SLC35F3: variants seen among roughly 807,000 people sequenced by gnomAD.
The protein encoded by SLC35F3 is solute carrier family 35 member F3, also known as putative thiamine transporter SLC35F3.
SLC35F3 carries 25 observed loss-of-function variants against 49.9 expected under a neutral mutation model. That is an observed-to-expected ratio of 0.50 (90% CI 0.37 to 0.70). SLC35F3 has a LOEUF of 0.70. Ranked by LOEUF, SLC35F3 falls within the 30% of genes least tolerant of loss-of-function variation. The pLI is 0.00. For missense variants in SLC35F3, 525 were observed against 639.8 expected (o/e 0.82, Z 1.94); for synonymous variants, 275 against 265.4 (o/e 1.04, Z -0.35).
intron 2 of SLC35F3, among the ~76,000 whole-genome samples, chr1:233,926,140 T>C (rs957404428): frequency 2.0e-5 from 3 of 152,166 alleles, no homozygotes; most frequent in Non-Finnish European, 4.4e-5. Flanking sequence ...GGAGTATCTT[T>C]GTGGCATTCT....
intron 5 of SLC35F3, among the ~76,000 whole-genome samples, chr1:234,317,153 A>G (rs1657508099): frequency 6.6e-6 from 1 of 152,190 alleles, no homozygotes; most frequent in East Asian, 1.9e-4. Context: ...TTTTGCAGCC[A>G]CCACTGCTCG....
intron 2 of SLC35F3, among the ~76,000 whole-genome samples, chr1:234,179,446 G>A (rs975902497): frequency 2.0e-5 from 3 of 152,074 alleles, no homozygotes; most frequent in South Asian, 2.1e-4. Context: ...GTATGTATTC[G>A]TGATGTACAA....
At chr1:234,227,583 A>G (rs1386467200) in intron 2 of SLC35F3, among the ~76,000 whole-genome samples, 1 of 151,856 alleles carries the variant, frequency 6.6e-6, no homozygotes, top group Non-Finnish European at 1.5e-5. Flanking sequence ...TATTTTTAGG[A>G]GAGACGGGGT....
At position 234,231,489 on chromosome 1, in the gene SLC35F3, G is replaced by A. The variant is rs758326191; in HGVS notation, c.356G>A (p.Arg119Lys). Reference sequence around the variant, plus strand: ...CCGGCCGGGGTGGAGGCCGGCGGGAGAGCGAGTCGCCGCTGCTGGACGTGC... The same window carrying A: ...CCGGCCGGGGTGGAGGCCGGCGGGAAAGCGAGTCGCCGCTGCTGGACGTGC... ...QAPAGVEAGG[R>K]ASRRCWTCSR... is the part of the protein sequence containing the mutation. Residue 119 changes from arginine to lysine, a missense_variant, in exon 3 of 8, where the codon AGA becomes AAA. Physicochemically the swap from Arg to Lys is conservative, Grantham distance 26. Transcript: ENST00000366618. The surrounding 1 kb of genome is among the most constrained non-coding windows in gnomAD (Gnocchi z 5.4). The A allele has an allele frequency of 6.2e-6, 10 of 1,612,566 alleles. No homozygotes were observed. Among genetic ancestry groups the A allele is most frequent in the Non-Finnish European group, 8.5e-6 (10 of 1,179,338 alleles).
At chr1:234,210,180 C>T (rs952479983) in intron 2 of SLC35F3, among the ~76,000 whole-genome samples, 1 of 152,164 alleles carries the variant, frequency 6.6e-6, no homozygotes, top group Non-Finnish European at 1.5e-5. Context: ...ATGACTTGCT[C>T]CTCCTTGCCT....
At chr1:234,226,648 T>C (rs1667289893) in intron 2 of SLC35F3, among the ~76,000 whole-genome samples, 2 of 151,792 alleles carry the variant, frequency 1.3e-5, no homozygotes, top group African/African-American at 4.8e-5. Flanking sequence ...CCCGAATGAG[T>C]TGGTAGCTAA....
chr1:234,259,070 A>C (rs535251634), intron 3 of SLC35F3, among the ~76,000 whole-genome samples: 2 of 152,324 alleles, frequency 1.3e-5, no homozygotes, highest in African/African-American at 4.8e-5. Context: ...AGCAGTGGGA[A>C]TATTAATCCT....
At position 234,214,343 on chromosome 1, in the gene SLC35F3, C is replaced by A; in HGVS notation, c.284-17074C>A. On this transcript the variant is annotated intron_variant, in intron 2 of 7. Transcript: ENST00000366618. The surrounding 1 kb of genome is among the most constrained non-coding windows in gnomAD (Gnocchi z 8.0). Reference sequence around the variant, plus strand: ...GAGCAACGCGGCAACCGGAGCCCGGCGGGCAGCCGGGGAGGCCGGGACTGA... The same window carrying A: ...GAGCAACGCGGCAACCGGAGCCCGGAGGGCAGCCGGGGAGGCCGGGACTGA... 1 of 1,312,956 alleles carries A rather than the reference C, an allele frequency of 7.6e-7. No individual in the cohort carries two copies. The highest frequency in any genetic ancestry group is 3.2e-5 in the East Asian group (1 of 31,398). 81.3% of individuals were successfully genotyped at this position (1,312,956 alleles called of 1,614,324 possible). A position where few individuals can be genotyped will look rare whatever the true frequency, so the allele number is the denominator to read the frequency against.
At chr1:234,308,746 G>T (rs1004593996) in intron 3 of SLC35F3, among the ~76,000 whole-genome samples, 1 of 140,406 alleles carries the variant, frequency 7.1e-6, no homozygotes, top group African/African-American at 2.7e-5. Flanking sequence ...AAAAGGTTTA[G>T]TGACCCCCTT....
At chr1:234,272,166 G>A (rs1446882463) in intron 3 of SLC35F3, among the ~76,000 whole-genome samples, 1 of 152,096 alleles carries the variant, frequency 6.6e-6, no homozygotes, top group Non-Finnish European at 1.5e-5. Flanking sequence ...AACAGGCAGA[G>A]AATGATAAAA....
chr1:233,986,672 G>C (rs947846831), intron 2 of SLC35F3, among the ~76,000 whole-genome samples: 1 of 151,986 alleles, frequency 6.6e-6, no homozygotes, highest in East Asian at 1.9e-4. Flanking sequence ...TTTAACATTT[G>C]CTTATTTTTG....
At chr1:234,042,873 G>A (rs981862850) in intron 2 of SLC35F3, among the ~76,000 whole-genome samples, 6 of 152,266 alleles carry the variant, frequency 3.9e-5, no homozygotes, top group Non-Finnish European at 7.3e-5. Flanking sequence ...ACGAGCAGCC[G>A]TCTTCCGCCT....
intron 2 of SLC35F3, among the ~76,000 whole-genome samples, chr1:234,045,592 AC>A (rs1328112072): frequency 6.6e-6 from 1 of 152,180 alleles, no homozygotes; most frequent in Non-Finnish European, 1.5e-5. Flanking sequence ...TGCACTTGTA[AC>A]CACATGCTGT....
At position 233,925,700 on chromosome 1, in the gene SLC35F3, A is replaced by G. The variant is rs373378582; in HGVS notation, c.283+19942A>G. Among the ~76,000 whole-genome samples the G allele has an allele frequency of 2.4e-4, 37 of 152,264 alleles. 1 individual carries two copies. In the South Asian group the frequency reaches 7.0e-3, roughly 29 times the overall value. On this transcript the variant is annotated intron_variant, in intron 2 of 7. Coordinates refer to ENST00000366618, the MANE Select transcript of SLC35F3 (RefSeq NM_173508.4). ...ATGATGTTAGCTGGTTATTTTGCTC[A>G]TTAGTTGATGCAGTTTCTTCCTAGC...
chr1:234,281,990 T>C (rs1466299187), intron 3 of SLC35F3, among the ~76,000 whole-genome samples: 3 of 151,914 alleles, frequency 2.0e-5, no homozygotes, highest in Non-Finnish European at 2.9e-5. Flanking sequence ...GCTGTTTTTT[T>C]CCAAAGCACG....
chr1:233,932,148 G>T (rs58951810), intron 2 of SLC35F3, among the ~76,000 whole-genome samples: 18,184 of 152,106 alleles, frequency 0.12, 1,132 homozygotes, highest in Non-Finnish European at 0.14. Flanking sequence ...GCCTGTCTGG[G>T]GGTGGGGGGC....
intron 2 of SLC35F3, among the ~76,000 whole-genome samples, chr1:234,081,576 G>C (rs1228767336): frequency 6.6e-6 from 1 of 152,092 alleles, no homozygotes; most frequent in Admixed American, 6.5e-5. Context: ...TCTCTGACTG[G>C]AGTTACCTAT....
intron 2 of SLC35F3, among the ~76,000 whole-genome samples, chr1:234,203,088 A>G (rs1002267086): frequency 1.3e-5 from 2 of 152,222 alleles, no homozygotes; most frequent in Non-Finnish European, 2.9e-5. Flanking sequence ...TTTCATTACC[A>G]GCATGTTCTG....
At chr1:234,121,637 A>G (rs1451088982) in intron 2 of SLC35F3, among the ~76,000 whole-genome samples, 3 of 152,006 alleles carry the variant, frequency 2.0e-5, no homozygotes, top group Admixed American at 6.6e-5. Flanking sequence ...ATATGTATAC[A>G]TGTGCCATGT....
Sources: gnomAD v4.1 joint callset for allele counts (sites outside exome capture counted in the v4.1 genomes callset) on GRCh38, gnomAD v4.1.1 for gene constraint, Gnocchi (gnomAD v3.1) non-coding constraint, MANE v1.5 for transcripts, NCBI Gene and HGNC (gene_info 2026-07-23, HGNC 2026-07-21) for gene names.